The following SPOCK3 variants were observed in gnomAD, a reference collection of about 807,000 sequenced individuals.
The protein encoded by SPOCK3 is testican-3.
Under a neutral mutation model 56.6 loss-of-function variants are expected in SPOCK3, and 30 were observed. That is an observed-to-expected ratio of 0.53 (90% CI 0.40 to 0.72). SPOCK3 has a LOEUF of 0.72. Ranked by LOEUF, SPOCK3 falls within the 30% of genes least tolerant of loss-of-function variation. SPOCK3 has a pLI of 0.00. For synonymous variants in SPOCK3, 196 were observed against 183.3 expected, an observed-to-expected ratio of 1.07 and a Z score of -0.56; for missense variants, 527 against 530.0, an observed-to-expected ratio of 0.99 and a Z score of 0.06.
intron 7 of SPOCK3, among the ~76,000 whole-genome samples, chr4:166,789,158 G>A (rs1252543578): frequency 1.3e-5 from 2 of 151,970 alleles, no homozygotes; most frequent in Non-Finnish European, 2.9e-5. Flanking sequence ...TGCCGGGTGC[G>A]GTGGCTCACC....
intron 6 of SPOCK3, among the ~76,000 whole-genome samples, chr4:166,884,097 G>C (rs1372732851): frequency 6.6e-6 from 1 of 152,140 alleles, no homozygotes; most frequent in Admixed American, 6.6e-5. Flanking sequence ...ATGGCTAGTA[G>C]CTATGAAAGA....
chr4:167,102,305 A>C (rs1759721112), intron 2 of SPOCK3: 1 of 152,156 alleles, frequency 6.6e-6, no homozygotes, highest in African/African-American at 2.4e-5. Context: ...AACATTCCAG[A>C]TGGGGCAGAC....
At chr4:167,037,209 C>A (rs190391887) in intron 3 of SPOCK3, among the ~76,000 whole-genome samples, 6 of 152,054 alleles carry the variant, frequency 3.9e-5, no homozygotes, top group East Asian at 1.9e-4. Flanking sequence ...AGGGGCCAGG[C>A]GCGGTGGCTC....
intron 3 of SPOCK3, among the ~76,000 whole-genome samples, chr4:167,035,669 CT>C (rs1386569719): frequency 6.6e-6 from 1 of 152,168 alleles, no homozygotes; most frequent in Admixed American, 6.5e-5. Flanking sequence ...GTTTCCCTGT[CT>C]TTTTCCCTAC....
At chr4:167,214,105 C>G (rs1735137867) in intron 2 of SPOCK3, among the ~76,000 whole-genome samples, 1 of 152,008 alleles carries the variant, frequency 6.6e-6, no homozygotes, top group African/African-American at 2.4e-5. Flanking sequence ...TGCAAAGATG[C>G]AACCTTTATT....
intron 4 of SPOCK3, among the ~76,000 whole-genome samples, chr4:166,942,199 A>C (rs1741152121): frequency 6.6e-6 from 1 of 151,974 alleles, no homozygotes; most frequent in Admixed American, 6.6e-5. Context: ...TTCCATTTCC[A>C]TTTCTTGATT....
At chr4:166,952,244 A>C (rs1742742251) in intron 4 of SPOCK3, among the ~76,000 whole-genome samples, 1 of 152,184 alleles carries the variant, frequency 6.6e-6, no homozygotes, top group Non-Finnish European at 1.5e-5. Flanking sequence ...GTCTCAGGAT[A>C]CAAAATCAAT....
At chr4:167,018,155 G>A (rs1750828352) in intron 3 of SPOCK3, among the ~76,000 whole-genome samples, 2 of 152,040 alleles carry the variant, frequency 1.3e-5, no homozygotes, top group Non-Finnish European at 2.9e-5. Flanking sequence ...TAGAGTACAA[G>A]TATTAATAAA....
At chr4:167,176,693 T>C (rs35270528) in intron 2 of SPOCK3, among the ~76,000 whole-genome samples, 19 of 152,042 alleles carry the variant, frequency 1.2e-4, no homozygotes, top group Non-Finnish European at 2.1e-4. Context: ...AGCACCTAGA[T>C]AATGAGTGTG....
chr4:166,764,975 G>C (rs1737789065), intron 7 of SPOCK3, among the ~76,000 whole-genome samples: 1 of 152,102 alleles, frequency 6.6e-6, no homozygotes, highest in Non-Finnish European at 1.5e-5. Context: ...TCTGTTGGCT[G>C]CATAAATGTC....
At chr4:167,055,583 C>T (rs970728421) in intron 3 of SPOCK3, among the ~76,000 whole-genome samples, 6 of 152,138 alleles carry the variant, frequency 3.9e-5, no homozygotes, top group African/African-American at 7.2e-5. Context: ...CCTGGAAAAT[C>T]GGGTCACTCT....
At chr4:167,115,017 T>C (rs571890049) in intron 2 of SPOCK3, among the ~76,000 whole-genome samples, 5 of 152,224 alleles carry the variant, frequency 3.3e-5, no homozygotes, top group South Asian at 2.1e-4. Context: ...GCAGGAAATA[T>C]GTTAAATTTC....
intron 6 of SPOCK3, among the ~76,000 whole-genome samples, chr4:166,839,696 A>G (rs965552059): frequency 2.0e-5 from 3 of 152,158 alleles, no homozygotes; most frequent in African/African-American, 7.2e-5. Flanking sequence ...AAGCTCATTT[A>G]CCATCATTAT....
intron 4 of SPOCK3, among the ~76,000 whole-genome samples, chr4:166,967,465 G>A (rs1187623306): frequency 6.6e-6 from 1 of 152,138 alleles, no homozygotes; most frequent in African/African-American, 2.4e-5. Context: ...CCCCCTTGTT[G>A]TTCTCATGAT....
rs373100091 is a variant in SPOCK3 at position 167,160,452 on chromosome 4, G to A, written c.189+73533C>T. 3.9e-3 allele frequency among the ~76,000 whole-genome samples: 597 copies of A among 152,074 alleles called. 8 individuals are homozygous for A. The highest frequency in any genetic ancestry group is 3.5e-3 in the Non-Finnish European group (238 of 67,952). ...GGGTAGGAAGAATCAATATCGTGAAGATGGCCATACTGCCCAAGGTAATTT... is the reference window on the plus strand; with the variant it reads ...GGGTAGGAAGAATCAATATCGTGAAAATGGCCATACTGCCCAAGGTAATTT... On this transcript the variant is annotated intron_variant, in intron 2 of 10. Transcript: ENST00000357545.
chr4:166,825,316 A>G (rs1745343142), intron 6 of SPOCK3, among the ~76,000 whole-genome samples: 1 of 152,138 alleles, frequency 6.6e-6, no homozygotes, highest in Non-Finnish European at 1.5e-5. Context: ...TACTACAATA[A>G]TATCCTGTTA....
At chr4:166,983,150 C>T (rs928961222) in intron 4 of SPOCK3, among the ~76,000 whole-genome samples, 13 of 152,096 alleles carry the variant, frequency 8.5e-5, no homozygotes, top group African/African-American at 3.1e-4. Flanking sequence ...GAAAACTAGA[C>T]TATGGTGTAG....
chr4:167,073,032 T>C (rs956443018), intron 2 of SPOCK3, among the ~76,000 whole-genome samples: 26 of 151,790 alleles, frequency 1.7e-4, no homozygotes, highest in African/African-American at 4.3e-4. Context: ...ATTTCCATAT[T>C]TATTTTGCAT....
chr4:167,200,297 T>A (rs901655091), intron 2 of SPOCK3, among the ~76,000 whole-genome samples: 1 of 152,094 alleles, frequency 6.6e-6, no homozygotes, highest in African/African-American at 2.4e-5. Flanking sequence ...GTTAAACACA[T>A]ATGACTAGTG....
Sources: allele counts gnomAD v4.1 joint callset (sites outside exome capture counted in the v4.1 genomes callset), GRCh38; gene constraint gnomAD v4.1.1; transcripts MANE v1.5; gene names NCBI Gene and HGNC (gene_info 2026-07-23, HGNC 2026-07-21).